Variants in TRIOBP observed in about 807,000 individuals in gnomAD.
The protein encoded by TRIOBP is TRIO and F-actin binding protein, also known as TRIO and F-actin-binding protein.
TRIOBP carries 169 observed loss-of-function variants against 238.8 expected under a neutral mutation model. The ratio of observed to expected loss-of-function variants is 0.71; its 90% CI spans 0.62 to 0.80. TRIOBP has a LOEUF of 0.80. TRIOBP is among the 30% of genes least tolerant of loss of function. The pLI, the probability that TRIOBP is intolerant of heterozygous loss-of-function variation, is 0.00. For synonymous variants in TRIOBP, 1,150 were observed against 1,274.4 expected, an observed-to-expected ratio of 0.90 and a Z score of 2.08; for missense variants, 2,838 against 3,122.6, an observed-to-expected ratio of 0.91 and a Z score of 2.17.
At chr22:37,747,539 G>C (rs1480538045) in intron 11 of TRIOBP, among the ~76,000 whole-genome samples, 2 of 152,172 alleles carry the variant, frequency 1.3e-5, no homozygotes, top group Non-Finnish European at 2.9e-5. Flanking sequence ...GGACTTCCTC[G>C]GCGTCCTCCT....
rs765847062 is a variant in TRIOBP, at chr22:37,755,138, G to C, written c.5525G>C (p.Cys1842Ser). ...GATGGTGAGATCGACCTGCGTTCCT[G>C]CACGGATGTCACTGAGTACGCGGTG... is the stretch of plus-strand genomic sequence containing the variant. ...ELDGEIDLRS[C>S]TDVTEYAVQR... The change falls in exon 14 of 24, where the codon TGC (cysteine) becomes TCC (serine). Residue 1842 changes from cysteine to serine, a missense_variant. Around this residue, in one of 5 missense-constraint regions of TRIOBP, gnomAD observed 2,096 missense variants for 2,137.4 expected, o/e 0.98. Transcript: ENST00000644935. 6.2e-7 allele frequency: 1 copy of C among 1,613,770 alleles called. No individual in the cohort carries two copies. Among genetic ancestry groups the C allele is most frequent in the Non-Finnish European group, 8.5e-7 (1 of 1,179,888 alleles).
chr22:37,754,790 C>T, intron 12 of TRIOBP, 87 bp from the exon 13 acceptor site: 1 of 1,380,668 alleles, frequency 7.2e-7, no homozygotes, highest in East Asian at 2.3e-5. Flanking sequence ...CCCCACCCCT[C>T]CTGTGTGCAG....
At chr22:37,697,539 C>T (rs1177087121) in intron 1 of TRIOBP, 49 bp from the exon 2 acceptor site, 1 of 152,216 alleles carries the variant, frequency 6.6e-6, no homozygotes, top group Non-Finnish European at 1.5e-5. Context: ...GTGGGTAGCC[C>T]TCTCCCCACC....
chr22:37,749,038 GC>G (rs1925430304), intron 11 of TRIOBP, among the ~76,000 whole-genome samples: 1 of 152,160 alleles, frequency 6.6e-6, no homozygotes, highest in Non-Finnish European at 1.5e-5. Flanking sequence ...CCATCCTGAG[GC>G]AGCTGGACTT....
At chr22:37,767,718 G>A (rs1243943462) in intron 18 of TRIOBP, among the ~76,000 whole-genome samples, 2 of 152,116 alleles carry the variant, frequency 1.3e-5, no homozygotes. Flanking sequence ...CAGGGGGGGT[G>A]TACTAGGTGG....
In TRIOBP at chr22:37,724,595, A is replaced by T. The variant is rs751981183; in HGVS notation, c.2039A>T (p.Asp680Val). 26 of 1,610,986 alleles carry T rather than the reference A, an allele frequency of 1.6e-5. No homozygotes were observed. In the Admixed American group the frequency reaches 4.4e-4, roughly 27 times the overall value. The change falls in exon 7 of 24, where the codon GAC becomes GTC. Residue 680 changes from aspartate (D) to valine (V), a missense_variant. Around this residue, in one of 5 missense-constraint regions of TRIOBP, gnomAD observed 167 missense variants for 200.2 expected, o/e 0.83. Transcript: ENST00000644935. ...CCCAGAACATCCTGTGCCCTACGGG[A>T]CAATCCCAGAGCCTCCTCTCCCAGC... ...ENPRTSCALR[D>V]NPRASSPSRT...
chr22:37,718,370 G>C (rs895841855), intron 6 of TRIOBP, among the ~76,000 whole-genome samples: 1 of 152,224 alleles, frequency 6.6e-6, no homozygotes, highest in Non-Finnish European at 1.5e-5. Context: ...AGTGAGCGAG[G>C]GCTGTGAGGG....
intron 11 of TRIOBP, among the ~76,000 whole-genome samples, chr22:37,745,258 A>T (rs965108768): frequency 2.0e-4 from 30 of 152,178 alleles, no homozygotes; most frequent in Non-Finnish European, 2.9e-5. Context: ...AGGATAGCTA[A>T]TGAGGGATAA....
Position 37,738,534 on chromosome 22 carries a change from T to C in TRIOBP, c.5107-108T>C, listed in dbSNP as rs541065645. On this transcript the variant is annotated intron_variant, in intron 9 of 23. Coordinates refer to ENST00000644935, the MANE Select transcript of TRIOBP (RefSeq NM_001039141.3). Reference sequence around the variant, plus strand: ...ACATGGATCTACTGATGCTGGACGTTAGATGGGTGTTGCATGGACAGATGA... The same window carrying C: ...ACATGGATCTACTGATGCTGGACGTCAGATGGGTGTTGCATGGACAGATGA... 2.0e-3 allele frequency: 2,043 copies of C among 1,034,020 alleles called. 2 individuals are homozygous for C. Among genetic ancestry groups the C allele is most frequent in the Non-Finnish European group, 2.7e-3 (1,827 of 676,304 alleles). The allele number at this position is 1,034,020 out of a possible 1,614,324, so 64.1% of individuals were successfully genotyped here. A position where few individuals can be genotyped will look rare whatever the true frequency, so the allele number is the denominator to read the frequency against.
Position 37,740,938 on chromosome 22 carries a change from A to G in TRIOBP, c.5228A>G (p.Lys1743Arg), listed in dbSNP as rs1381490950. Residue 1743 changes from lysine (K) to arginine (R), a missense_variant, in exon 11 of 24, where the codon AAG (lysine) becomes AGG (arginine). By Grantham distance (26) the Lys-to-Arg change is conservative. Coordinates refer to ENST00000644935, the MANE Select transcript of TRIOBP (RefSeq NM_001039141.3). ...GAGGGCAAGGCTGGGAGCCCGCTCA[A>G]GGGCCGACTGGTGACCTCATGGCGG... Reference protein sequence around the residue: ...PAEGKAGSPLKGRLVTSWRMP... With the variant: ...PAEGKAGSPLRGRLVTSWRMP... The G allele has an allele frequency of 6.4e-7, 1 of 1,570,734 alleles. No individual in the cohort carries two copies. The highest frequency in any genetic ancestry group is 1.2e-5 in the South Asian group (1 of 85,382).
At chr22:37,699,018 G>A (rs904009645) in intron 2 of TRIOBP, among the ~76,000 whole-genome samples, 37 of 152,098 alleles carry the variant, frequency 2.4e-4, no homozygotes, top group Admixed American at 2.4e-3. Context: ...GTGCATGCCT[G>A]TGATCCCAGA....
chr22:37,733,456 G>A (rs1462885190), intron 8 of TRIOBP, 44 bp downstream of exon 8: 187 of 1,439,970 alleles, frequency 1.3e-4, no homozygotes, highest in Non-Finnish European at 1.7e-4. Flanking sequence ...CCAAGGGGCG[G>A]CCACTGCCTC....
In TRIOBP at chr22:37,734,844, C is replaced by G. The variant is rs564233256; in HGVS notation, c.4508C>G (p.Pro1503Arg). ...GAGGAGAAGCCCACTCATGAGCTCC[C>G]CAGAGAACTAGGAAAGAGAAGCCCA... ...AWEEKPTHEL[P>R]RELGKRSPLT... Residue 1503 changes from proline (P) to arginine (R), a missense_variant, in exon 9 of 24, where the codon CCC becomes CGC. Physicochemically the swap from Pro to Arg is moderately radical, Grantham distance 103 (BLOSUM62 -2). Transcript: ENST00000644935. The G allele has an allele frequency of 3.2e-5, 52 of 1,612,762 alleles. 1 individual carries two copies. The South Asian group carries it at 4.1e-4, about 13-fold the overall frequency.
chr22:37,741,099 G>A (rs1232450941), intron 11 of TRIOBP, 67 bp downstream of exon 11: 2 of 1,533,616 alleles, frequency 1.3e-6, no homozygotes, highest in East Asian at 2.4e-5. Flanking sequence ...AGGGAGGAGG[G>A]GGCTGTTAAG....
rs769889177 is a variant in TRIOBP, at chr22:37,738,663, G to A, written c.5128G>A (p.Glu1710Lys). ...ELQFQPEEPE[E>K]SEPSRGQDPL... ...CCAGTTCCAACCAGAGGAGCCTGAG[G>A]AGTCAGAACCAAGCAGAGGCCAAGA... The change falls in exon 10 of 24, where the codon GAG becomes AAG. Residue 1710 changes from glutamate (E) to lysine (K), a missense_variant. Glu to Lys is a moderately conservative substitution (Grantham distance 56). Around this residue, in one of 5 missense-constraint regions of TRIOBP, gnomAD observed 2,096 missense variants for 2,137.4 expected, o/e 0.98. Coordinates refer to ENST00000644935, the MANE Select transcript of TRIOBP (RefSeq NM_001039141.3). 1.2e-6 allele frequency: 2 copies of A among 1,613,938 alleles called. No individual in the cohort carries two copies. Among genetic ancestry groups the A allele is most frequent in the Non-Finnish European group, 1.7e-6 (2 of 1,179,948 alleles).
intron 11 of TRIOBP, among the ~76,000 whole-genome samples, chr22:37,742,601 G>A (rs768201880): frequency 2.0e-5 from 3 of 152,152 alleles, no homozygotes; most frequent in Non-Finnish European, 4.4e-5. Context: ...TTAAGGCACC[G>A]AGGGTGAGCA....
chr22:37,728,983 T>C (rs2015851), intron 7 of TRIOBP, among the ~76,000 whole-genome samples: 54,389 of 151,986 alleles, frequency 0.36, 10,830 homozygotes, highest in East Asian at 0.6. Context: ...TAGTGCAATC[T>C]TGGCTCACTG....
At chr22:37,745,900 C>T (rs943859503) in intron 11 of TRIOBP, among the ~76,000 whole-genome samples, 4 of 152,242 alleles carry the variant, frequency 2.6e-5, no homozygotes, top group Admixed American at 6.5e-5. Context: ...TGCCCACGCC[C>T]GGCCGCCCGC....
chr22:37,769,791 C>T (rs529096598), intron 21 of TRIOBP, among the ~76,000 whole-genome samples: 1 of 152,046 alleles, frequency 6.6e-6, no homozygotes, highest in African/African-American at 2.4e-5. Flanking sequence ...TGTAGTGACA[C>T]GATCTCAGTT....
Sources: gnomAD v4.1 joint callset for allele counts (sites outside exome capture counted in the v4.1 genomes callset) on GRCh38, gnomAD v4.1.1 for gene constraint, gnomAD v4.1.1 regional missense constraint, MANE v1.5 for transcripts, NCBI Gene and HGNC (gene_info 2026-07-23, HGNC 2026-07-21) for gene names.